The following ABLIM2 variants were observed in gnomAD, a reference collection of about 807,000 sequenced individuals.
ABLIM2 encodes the protein actin binding LIM protein family member 2.
In ABLIM2, 53 loss-of-function variants were observed where a neutral mutation model predicts 97.7. The observed-to-expected ratio is 0.54, with a 90% CI of 0.44 to 0.68. ABLIM2 has a LOEUF of 0.68. Among genes scored for constraint, ABLIM2 ranks in the 30% least tolerant of loss-of-function variants. The probability of loss-of-function intolerance (pLI) is 0.00; values close to 1 mark genes in which losing one functional copy is unlikely to be tolerated. For missense variants in ABLIM2, 835 were observed against 867.2 expected, an observed-to-expected ratio of 0.96 and a Z score of 0.47; for synonymous variants, 361 against 345.8, an observed-to-expected ratio of 1.04 and a Z score of -0.49.
chr4:8,148,252 G>C lies in ABLIM2; in HGVS notation c.10+10428C>G, dbSNP rs953020036. ...GGCCAGGCAGGTTCTGAAGGGCCCA[G>C]TGTGTCTGGAGGGGAGAGGATGAGC... On this transcript the variant is annotated intron_variant, in intron 1 of 20. Coordinates refer to ENST00000447017, the MANE Select transcript of ABLIM2 (RefSeq NM_001130083.2). This position sits in a 1 kb window ranked among gnomAD's most constrained non-coding sequence, Gnocchi z 6.7. 1.3e-5 allele frequency among the ~76,000 whole-genome samples: 2 copies of C among 152,236 alleles called. No individual in the cohort carries two copies. The highest frequency in any genetic ancestry group is 4.8e-5 in the African/African-American group (2 of 41,468).
At chr4:8,126,522 A>G (rs1447426202) in intron 1 of ABLIM2, among the ~76,000 whole-genome samples, 2 of 144,264 alleles carry the variant, frequency 1.4e-5, no homozygotes, top group African/African-American at 5.2e-5. Context: ...TTCACCCCAC[A>G]GGCCGCCTGG....
intron 8 of ABLIM2, among the ~76,000 whole-genome samples, chr4:8,047,568 C>G (rs866137137): frequency 2.0e-5 from 3 of 152,214 alleles, no homozygotes; most frequent in South Asian, 4.1e-4. Flanking sequence ...TGGCCCAATA[C>G]CACCTGCTGT....
In ABLIM2 at chr4:7,967,045, T is replaced by G. The variant is rs1577414048; in HGVS notation, c.1883A>C (p.Asp628Ala). 6.2e-7 allele frequency: 1 copy of G among 1,613,782 alleles called. No homozygotes were observed. The highest frequency in any genetic ancestry group is 8.5e-7 in the Non-Finnish European group (1 of 1,179,942). The change falls in exon 21 of 21, where the codon GAC becomes GCC. Residue 628 changes from aspartate to alanine, a missense_variant. By Grantham distance (126) the Asp-to-Ala change is moderately radical. Transcript: ENST00000447017. ...ATTCCTCTTCCAGAGGGCCAGGCGG[T>G]CAAACTCCTCGATGCTCATCCCAAA... ...EVFGMSIEEFDRLALWKRNDL... is the reference protein window; with the variant it reads ...EVFGMSIEEFARLALWKRNDL...
chr4:8,078,643 G>A (rs1030642138), intron 5 of ABLIM2, among the ~76,000 whole-genome samples: 1 of 152,232 alleles, frequency 6.6e-6, no homozygotes, highest in East Asian at 1.9e-4. Context: ...CTGAGCCGTG[G>A]TTGAGTGAAC....
intron 14 of ABLIM2, among the ~76,000 whole-genome samples, chr4:8,011,035 C>T (rs1162738460): frequency 2.0e-5 from 3 of 152,242 alleles, no homozygotes; most frequent in Non-Finnish European, 4.4e-5. Context: ...AAGTGGATCA[C>T]CACTCTTGGA....
Position 7,992,816 on chromosome 4 carries a change from C to A in ABLIM2, c.1680+50G>T. On this transcript the variant is annotated intron_variant, in intron 17 of 20. Coordinates refer to ENST00000447017, the MANE Select transcript of ABLIM2 (RefSeq NM_001130083.2). The surrounding 1 kb of genome is among the most constrained non-coding windows in gnomAD (Gnocchi z 5.7). ...AAGAAGCTGTGGGAAACGTGCTCAG[C>A]CTCACAGCAATCGTTAGTACCCTGT... The A allele has an allele frequency of 6.3e-7, 1 of 1,586,438 alleles. No homozygotes were observed. Among genetic ancestry groups the A allele is most frequent in the South Asian group, 1.1e-5 (1 of 88,386 alleles).
intron 3 of ABLIM2, among the ~76,000 whole-genome samples, chr4:8,090,180 C>G (rs13119950): frequency 0.74 from 112,884 of 152,138 alleles, 42,641 homozygotes; most frequent in African/African-American, 0.88. Context: ...GCCACCGTGT[C>G]AATGCTATGG....
At chr4:8,081,453 G>A (rs370262505) in intron 4 of ABLIM2, among the ~76,000 whole-genome samples, 2 of 152,152 alleles carry the variant, frequency 1.3e-5, no homozygotes, top group Non-Finnish European at 2.9e-5. Context: ...CTGAGCCAGC[G>A]GCCCACAATC....
At chr4:8,133,987 G>GT (rs952815601) in intron 1 of ABLIM2, among the ~76,000 whole-genome samples, 9 of 149,000 alleles carry the variant, frequency 6.0e-5, no homozygotes, top group African/African-American at 2.3e-4. Flanking sequence ...GCAGGTTGCA[G>GT]GGGGGGGTGA....
chr4:8,086,924 C>G (rs1437209792), intron 4 of ABLIM2, among the ~76,000 whole-genome samples: 1 of 151,874 alleles, frequency 6.6e-6, no homozygotes, highest in African/African-American at 2.4e-5. Flanking sequence ...GCCCTCCCGA[C>G]CCGGTGGGGC....
chr4:8,062,487 T>C (rs73074081), intron 6 of ABLIM2, among the ~76,000 whole-genome samples: 7,314 of 151,598 alleles, frequency 0.048, 610 homozygotes, highest in African/African-American at 0.17. Flanking sequence ...CCTGGCTGGA[T>C]GGAGTGCAGT....
rs1339397004 is a variant in ABLIM2, at chr4:8,095,028, A to C, written c.338+2071T>G. Among the ~76,000 whole-genome samples the C allele has an allele frequency of 2.0e-4, 21 of 105,474 alleles. No individual in the cohort carries two copies. Among genetic ancestry groups the C allele is most frequent in the Middle Eastern group, 6.0e-3 (1 of 168 alleles). The allele number at this position is 105,474 out of a possible 152,430, so 69.2% of individuals were successfully genotyped here. On this transcript the variant is annotated intron_variant, in intron 3 of 20. Transcript: ENST00000447017. The surrounding 1 kb of genome is among the most constrained non-coding windows in gnomAD (Gnocchi z 4.7). ...TTTCTTTCTCTCTCTCTCTCCCCCC[A>C]CTTCTTTCCTTCCTTCCTTCTTTCT... is the stretch of plus-strand genomic sequence containing the variant.
chr4:8,009,139 C>G, intron 14 of ABLIM2, 37 bp from the exon 15 acceptor site: 2 of 1,612,126 alleles, frequency 1.2e-6, no homozygotes, highest in Non-Finnish European at 1.7e-6. Flanking sequence ...GGCCACACAC[C>G]ATTGCTTGTG....
rs966275078 is a variant in ABLIM2 at position 8,071,490 on chromosome 4, G to A, written c.675+6138C>T. The stretch of plus-strand genomic sequence containing the variant: ...TCGCGGGCAGGCGGGCACTGCGGGC[G>A]CCAGCACTTAGGATGGCACCATGCC... On this transcript the variant is annotated intron_variant, in intron 6 of 20. Transcript: ENST00000447017. This position sits in a 1 kb window ranked among gnomAD's most constrained non-coding sequence, Gnocchi z 6.2. 2.0e-5 allele frequency among the ~76,000 whole-genome samples: 3 copies of A among 152,206 alleles called. No individual in the cohort carries two copies. The highest frequency in any genetic ancestry group is 6.5e-5 in the Admixed American group (1 of 15,282).
In ABLIM2 at chr4:8,058,476, T is replaced by C. The variant is rs900554917; in HGVS notation, c.763+2491A>G. Among the ~76,000 whole-genome samples the C allele has an allele frequency of 3.9e-5, 6 of 152,310 alleles. No individual in the cohort carries two copies. Among genetic ancestry groups the C allele is most frequent in the African/African-American group, 9.6e-5 (4 of 41,570 alleles). On this transcript the variant is annotated intron_variant, in intron 7 of 20. Coordinates refer to ENST00000447017, the MANE Select transcript of ABLIM2 (RefSeq NM_001130083.2). The surrounding 1 kb of genome is among the most constrained non-coding windows in gnomAD (Gnocchi z 4.2). ...GCTCTGACAGCAGCTCTCCCAGACC[T>C]GGCCGGGCCCAGCTGGCCTCTGGGA...
intron 3 of ABLIM2, among the ~76,000 whole-genome samples, chr4:8,089,220 G>T (rs908358413): frequency 6.6e-6 from 1 of 152,168 alleles, no homozygotes; most frequent in African/African-American, 2.4e-5. Context: ...GAAACTGAGG[G>T]ATGGCTCAAG....
rs1053751815 is a variant in ABLIM2, at chr4:8,032,430, G to A, written c.1048-2654C>T. Among the ~76,000 whole-genome samples, 3 of 152,202 alleles carry A rather than the reference G, an allele frequency of 2.0e-5. No homozygotes were observed. The highest frequency in any genetic ancestry group is 4.4e-5 in the Non-Finnish European group (3 of 68,040). The stretch of plus-strand genomic sequence containing the variant: ...CGCGTCCCAGGCGGCCACATCCGCA[G>A]GGCTGGCAGACATATCGGGGAGGCA... On this transcript the variant is annotated intron_variant, in intron 10 of 20. Coordinates refer to ENST00000447017, the MANE Select transcript of ABLIM2 (RefSeq NM_001130083.2). The surrounding 1 kb of genome is among the most constrained non-coding windows in gnomAD (Gnocchi z 4.3).
rs750335600 is a variant in ABLIM2 at position 8,127,365 on chromosome 4, C to T, written c.11-20728G>A. On this transcript the variant is annotated intron_variant, in intron 1 of 20. Coordinates refer to ENST00000447017, the MANE Select transcript of ABLIM2 (RefSeq NM_001130083.2). The surrounding 1 kb of genome is among the most constrained non-coding windows in gnomAD (Gnocchi z 7.3). ...TGTCCCCGAAGCCTGCACCCACTGG[C>T]GCTCGTGGTGCCGGCGCTCATGACC... Among the ~76,000 whole-genome samples, 16 of 152,312 alleles carry T rather than the reference C, an allele frequency of 1.1e-4. 1 individual carries two copies. The highest frequency in any genetic ancestry group is 2.6e-4 in the African/African-American group (11 of 41,574).
Position 8,046,547 on chromosome 4 carries a change from G to A in ABLIM2, c.823-1306C>T, listed in dbSNP as rs1166964509. Among the ~76,000 whole-genome samples, 8 of 151,190 alleles carry A rather than the reference G, an allele frequency of 5.3e-5. No homozygotes were observed. Among genetic ancestry groups the A allele is most frequent in the Non-Finnish European group, 5.9e-5 (4 of 67,886 alleles). On this transcript the variant is annotated intron_variant, in intron 8 of 20. Coordinates refer to ENST00000447017, the MANE Select transcript of ABLIM2 (RefSeq NM_001130083.2). This position sits in a 1 kb window ranked among gnomAD's most constrained non-coding sequence, Gnocchi z 4.4. Reference sequence around the variant, plus strand: ...TGCTGCTTCGATGGTTTCCCACCCCGACCACAGCCCCCACTGCAGCTCCCT... The same window carrying A: ...TGCTGCTTCGATGGTTTCCCACCCCAACCACAGCCCCCACTGCAGCTCCCT...
Sources: gnomAD v4.1 joint callset for allele counts (sites outside exome capture counted in the v4.1 genomes callset) on GRCh38, gnomAD v4.1.1 for gene constraint, Gnocchi (gnomAD v3.1) non-coding constraint, MANE v1.5 for transcripts, NCBI Gene and HGNC (gene_info 2026-07-23, HGNC 2026-07-21) for gene names.